MYH13: variants seen among roughly 807,000 people sequenced by gnomAD.
The protein encoded by MYH13 is myosin-13.
In MYH13, 177 loss-of-function variants were observed where a neutral mutation model predicts 232.1. The observed-to-expected ratio is 0.76, with a 90% confidence interval of 0.67 to 0.86. MYH13 has a LOEUF of 0.86. Among genes scored for constraint, MYH13 ranks in the 40% least tolerant of loss-of-function variants. The pLI is 0.00. For synonymous variants in MYH13, 884 were observed against 923.5 expected (o/e 0.96, Z 0.78); for missense variants, 2,246 against 2,405.9 (o/e 0.93, Z 1.39).
intron 20 of MYH13, 83 bp from the exon 21 acceptor site, chr17:10,330,606 A>G: frequency 1.3e-6 from 2 of 1,497,358 alleles, no homozygotes; most frequent in East Asian, 2.5e-5. Context: ...TTTCTGCTCA[A>G]CTCTGAGGCT....
intron 12 of MYH13, among the ~76,000 whole-genome samples, chr17:10,347,865 C>T (rs956297800): frequency 6.6e-6 from 1 of 151,806 alleles, no homozygotes; most frequent in African/African-American, 2.4e-5. Flanking sequence ...TTACAGGCAC[C>T]CACCACCAGG....
At chr17:10,322,044 G>C (rs1444576879) in intron 23 of MYH13, among the ~76,000 whole-genome samples, 1 of 152,196 alleles carries the variant, frequency 6.6e-6, no homozygotes, top group African/African-American at 2.4e-5. Flanking sequence ...TGTTAGGTTG[G>C]CTGAATAGGG....
intron 11 of MYH13, among the ~76,000 whole-genome samples, chr17:10,351,390 T>C (rs914308837): frequency 1.3e-5 from 2 of 152,130 alleles, no homozygotes; most frequent in African/African-American, 4.8e-5. Context: ...TTTGGCATTG[T>C]AATCCAGGAG....
In MYH13 at chr17:10,319,326, T is replaced by C. The variant is rs556790672; in HGVS notation, c.3349-147A>G. 1.1e-5 allele frequency: 11 copies of C among 1,005,644 alleles called. No homozygotes were observed. The East Asian group carries it at 2.9e-4, about 27-fold the overall frequency. 62.3% of individuals were successfully genotyped at this position (1,005,644 alleles called of 1,614,324 possible). ...GAGTTTGAAACCAGCCTGGCCAACATGGTGAAACTCCGCCTCTACTAAAAA... is the reference window on the plus strand; with the variant it reads ...GAGTTTGAAACCAGCCTGGCCAACACGGTGAAACTCCGCCTCTACTAAAAA... On this transcript the variant is annotated intron_variant, in intron 26 of 40. Coordinates refer to ENST00000252172, the MANE Select transcript of MYH13 (RefSeq NM_003802.3).
intron 7 of MYH13, 120 bp from the exon 8 acceptor site, chr17:10,357,947 C>T (rs1280882271): frequency 1.6e-5 from 13 of 829,370 alleles, no homozygotes; most frequent in Admixed American, 1.2e-4. Flanking sequence ...CCAGCTCCAC[C>T]TGGTGGTCAG....
intron 7 of MYH13, among the ~76,000 whole-genome samples, chr17:10,359,050 T>C (rs1344833755): frequency 2.6e-5 from 4 of 152,156 alleles, no homozygotes; most frequent in Admixed American, 2.6e-4. Context: ...ATAGGAATGG[T>C]ATATTTTGGT....
At chr17:10,340,288 G>C (rs2142254981) in intron 17 of MYH13, 40 bp downstream of exon 17, 2 of 1,613,192 alleles carry the variant, frequency 1.2e-6, no homozygotes, top group South Asian at 2.2e-5. Flanking sequence ...TTTCACTGGG[G>C]AGAAAAACAA....
At chr17:10,322,790 C>A (rs189434152) in intron 23 of MYH13, among the ~76,000 whole-genome samples, 3 of 152,076 alleles carry the variant, frequency 2.0e-5, no homozygotes, top group Admixed American at 2.0e-4. Flanking sequence ...TCCGCCACCA[C>A]GCCCGGCTAA....
Position 10,319,140 on chromosome 17 carries a change from G to A in MYH13, c.3388C>T (p.His1130Tyr), listed in dbSNP as rs1906837737. 1 of 1,614,110 alleles carries A rather than the reference G, an allele frequency of 6.2e-7. No individual in the cohort carries two copies. Among genetic ancestry groups the A allele is most frequent in the Non-Finnish European group, 8.5e-7 (1 of 1,180,024 alleles). ...TTCTCAATCTTGGCTCTGAGCGTGT[G>A]TTCCGCTTCAATTTCCTCCTCCAGC... ...EELEEEIEAE[H>Y]TLRAKIEKQR... Residue 1130 changes from histidine (H) to tyrosine (Y), a missense_variant, in exon 27 of 41, where the codon CAC (histidine) becomes TAC (tyrosine). Physicochemically the swap from His to Tyr is moderately conservative, Grantham distance 83. Coordinates refer to ENST00000252172, the MANE Select transcript of MYH13 (RefSeq NM_003802.3).
intron 29 of MYH13, among the ~76,000 whole-genome samples, chr17:10,315,449 A>C (rs1906668228): frequency 6.6e-6 from 1 of 151,886 alleles, no homozygotes; most frequent in Non-Finnish European, 1.5e-5. Flanking sequence ...CTGCCAGTAC[A>C]CCCAGCTAAT....
intron 13 of MYH13, 106 bp from the exon 14 acceptor site, chr17:10,345,722 T>C (rs886253775): frequency 1.3e-4 from 202 of 1,586,300 alleles, no homozygotes; most frequent in South Asian, 2.3e-4. Context: ...TGGCTAGGCG[T>C]GGTGGCTCAC....
In MYH13 at chr17:10,326,981, GTTTTTTTTTTTTTTTTTTT is replaced by G. The variant is rs61543278; in HGVS notation, c.2691+866_2691+884del. Among the ~76,000 whole-genome samples the G allele has an allele frequency of 2.2e-3, 122 of 55,832 alleles. 9 individuals are homozygous for G. The highest frequency in any genetic ancestry group is 4.6e-3 in the South Asian group (5 of 1,088). 36.6% of individuals were successfully genotyped at this position (55,832 alleles called of 152,430 possible). A position where few individuals can be genotyped will look rare whatever the true frequency, so the allele number is the denominator to read the frequency against. Reference sequence around the variant, plus strand: ...GAGACATGCACCACCATGCCTACTAGTTTTTTTTTTTTTTTTTTTTTTTTTTTTTTTTTTTTTTGAGACG... The same window carrying G: ...GAGACATGCACCACCATGCCTACTAGTTTTTTTTTTTTTTTTTTTGAGACG... On this transcript the variant is annotated intron_variant, in intron 22 of 40. Coordinates refer to ENST00000252172, the MANE Select transcript of MYH13 (RefSeq NM_003802.3).
intron 18 of MYH13, among the ~76,000 whole-genome samples, chr17:10,337,647 T>C (rs12952386): frequency 0.77 from 117,358 of 151,780 alleles, 45,748 homozygotes; most frequent in East Asian, 0.9. Context: ...GCTTCTGTAT[T>C]CGTGTTGGGC....
chr17:10,336,023 G>A (rs2071572762), intron 18 of MYH13, among the ~76,000 whole-genome samples: 1 of 152,156 alleles, frequency 6.6e-6, no homozygotes, highest in Non-Finnish European at 1.5e-5. Flanking sequence ...GACTTGGACT[G>A]GGAGATCTTT....
intron 15 of MYH13, 133 bp downstream of exon 15, chr17:10,345,069 G>T: frequency 1.5e-6 from 2 of 1,355,950 alleles, no homozygotes; most frequent in Non-Finnish European, 2.0e-6. Context: ...TTGCAAATAG[G>T]CATTCAGTTA....
Position 10,311,929 on chromosome 17 carries a change from C to T in MYH13, c.4513G>A (p.Glu1505Lys). The T allele has an allele frequency of 6.2e-7, 1 of 1,613,952 alleles. No individual in the cohort carries two copies. The highest frequency in any genetic ancestry group is 8.5e-7 in the Non-Finnish European group (1 of 1,179,884). ...VVDQLETLRR[E>K]NKNLQEEISD... The stretch of plus-strand genomic sequence containing the variant: ...AGCTCACCTTGCAGATTTTTGTTCT[C>T]TCGCCTCAGTGTCTCTAACTGGTCC... Residue 1505 changes from glutamate to lysine, a missense_variant, in exon 32 of 41, where the codon GAG (glutamate) becomes AAG (lysine). Glu to Lys is a moderately conservative substitution (Grantham distance 56). Coordinates refer to ENST00000252172, the MANE Select transcript of MYH13 (RefSeq NM_003802.3).
At chr17:10,323,674 G>C (rs1314643950) in intron 23 of MYH13, among the ~76,000 whole-genome samples, 1 of 149,334 alleles carries the variant, frequency 6.7e-6, no homozygotes, top group Non-Finnish European at 1.5e-5. Context: ...CAGGAGAATT[G>C]CTTGAACCTG....
In MYH13 at chr17:10,318,841, C is replaced by G; in HGVS notation, c.3687G>C (p.Lys1229Asn). 1 of 1,614,154 alleles carries G rather than the reference C, an allele frequency of 6.2e-7. No individual in the cohort carries two copies. The highest frequency in any genetic ancestry group is 8.5e-7 in the Non-Finnish European group (1 of 1,180,034). The change falls in exon 27 of 41, where the codon AAG (lysine) becomes AAC (asparagine). Residue 1229 changes from lysine to asparagine, a missense_variant. Coordinates refer to ENST00000252172, the MANE Select transcript of MYH13 (RefSeq NM_003802.3). Reference protein sequence around the residue: ...QKLEKEKSELKMEIDDMASNI... With the variant: ...QKLEKEKSELNMEIDDMASNI... The stretch of plus-strand genomic sequence containing the variant: ...TGCTGGCCATGTCGTCAATCTCCAT[C>G]TTCAGCTCGCTCTTCTCCTTCTCCA...
At position 10,327,846 on chromosome 17, in the gene MYH13, C is replaced by T. The variant is rs768359325; in HGVS notation, c.2691+20G>A. The T allele has an allele frequency of 2.5e-6, 4 of 1,600,038 alleles. No homozygotes were observed. In the Admixed American group the frequency reaches 7.3e-5, roughly 29 times the overall value. On this transcript the variant is annotated intron_variant, in intron 22 of 40. Coordinates refer to ENST00000252172, the MANE Select transcript of MYH13 (RefSeq NM_003802.3). Reference sequence around the variant, plus strand: ...TCCTCCAGAGTCTGTGTTTTGCGTTCTCAAGTAGAAGGTACTTACAGACTG... The same window carrying T: ...TCCTCCAGAGTCTGTGTTTTGCGTTTTCAAGTAGAAGGTACTTACAGACTG...
Sources: allele counts gnomAD v4.1 joint callset (sites outside exome capture counted in the v4.1 genomes callset), GRCh38; gene constraint gnomAD v4.1.1; transcripts MANE v1.5; gene names NCBI Gene and HGNC (gene_info 2026-07-23, HGNC 2026-07-21).